The following POT1 variants were observed in gnomAD, a reference collection of about 807,000 sequenced individuals.
POT1 encodes protection of telomeres 1, also known as protection of telomeres protein 1.
A neutral mutation model predicts 78.5 loss-of-function variants in POT1; 47 were observed. That is an observed-to-expected ratio of 0.60 (90% CI 0.47 to 0.76). The LOEUF is 0.76. Among genes scored for constraint, POT1 ranks in the 30% least tolerant of loss-of-function variants. The pLI is 0.00. For synonymous variants in POT1, 259 were observed against 260.7 expected (o/e 0.99, Z 0.06); for missense variants, 646 against 749.9 (o/e 0.86, Z 1.62).
chr7:124,898,018 G>A (rs1796535035), intron 4 of POT1, among the ~76,000 whole-genome samples: 1 of 151,856 alleles, frequency 6.6e-6, no homozygotes, highest in Admixed American at 6.6e-5. Context: ...GAATGTCTGT[G>A]CGGTTTTGTA....
chr7:124,903,031 C>T (rs1410782397), intron 3 of POT1, among the ~76,000 whole-genome samples: 1 of 152,108 alleles, frequency 6.6e-6, no homozygotes, highest in East Asian at 1.9e-4. Context: ...AAAGCAAGTC[C>T]TTAGAGACCT....
intron 6 of POT1, among the ~76,000 whole-genome samples, chr7:124,890,497 C>G (rs1308629004): frequency 6.6e-6 from 1 of 151,860 alleles, no homozygotes; most frequent in Non-Finnish European, 1.5e-5. Flanking sequence ...AAAATACTAT[C>G]AAACAGCATC....
chr7:124,913,046 G>A (rs1364698456), intron 3 of POT1, among the ~76,000 whole-genome samples: 2 of 152,162 alleles, frequency 1.3e-5, no homozygotes, highest in East Asian at 3.9e-4. Context: ...GATGGCAGTA[G>A]GCAAAGAGAG....
chr7:124,857,983 G>A (rs1043723170), intron 9 of POT1, among the ~76,000 whole-genome samples: 1 of 152,130 alleles, frequency 6.6e-6, no homozygotes, highest in African/African-American at 2.4e-5. Context: ...TTCTGCCCGT[G>A]CCCAAAAGCC....
At chr7:124,840,840 C>T (rs993069674) in intron 14 of POT1, 133 bp downstream of exon 14, 2 of 615,566 alleles carry the variant, frequency 3.2e-6, no homozygotes, top group South Asian at 2.5e-5. Context: ...CATATATATT[C>T]AATTTTGTTA....
At position 124,823,677 on chromosome 7, in the gene POT1, T is replaced by A; in HGVS notation, c.*285A>T. ...GCACCCCAACAAAGCAACTTTGCCA[T>A]TTCTACTTAAAGTACACTGTAGCTT... is the stretch of plus-strand genomic sequence containing the variant. On this transcript the variant is annotated 3_prime_UTR_variant, in exon 19 of 19. Transcript: ENST00000357628. 1 of 278,964 alleles carries A rather than the reference T, an allele frequency of 3.6e-6. No homozygotes were observed. Among genetic ancestry groups the A allele is most frequent in the African/African-American group, 2.2e-5 (1 of 45,284 alleles). The allele number at this position is 278,964 out of a possible 1,614,324, so 17.3% of individuals were successfully genotyped here. A position where few individuals can be genotyped will look rare whatever the true frequency, so the allele number is the denominator to read the frequency against.
intron 15 of POT1, among the ~76,000 whole-genome samples, chr7:124,833,808 A>G (rs960317672): frequency 6.6e-6 from 1 of 152,246 alleles, no homozygotes; most frequent in African/African-American, 2.4e-5. Flanking sequence ...TTATCAAAAG[A>G]ACAGATATAT....
intron 8 of POT1, among the ~76,000 whole-genome samples, chr7:124,861,384 T>G (rs1350845129): frequency 6.6e-6 from 1 of 152,168 alleles, no homozygotes; most frequent in Non-Finnish European, 1.5e-5. Context: ...CATATGTCTG[T>G]TAGCCACATA....
At chr7:124,922,595 T>C (rs1797178551) in intron 2 of POT1, among the ~76,000 whole-genome samples, 1 of 151,906 alleles carries the variant, frequency 6.6e-6, no homozygotes, top group South Asian at 2.1e-4. Flanking sequence ...AAGTATACCT[T>C]AGTAAGGATG....
At chr7:124,903,729 T>G (rs1330241768) in intron 3 of POT1, among the ~76,000 whole-genome samples, 1 of 151,998 alleles carries the variant, frequency 6.6e-6, no homozygotes, top group East Asian at 1.9e-4. Context: ...AATCAATGAA[T>G]CCAGGAGCTA....
intron 12 of POT1, among the ~76,000 whole-genome samples, chr7:124,846,666 C>T (rs960249629): frequency 6.7e-6 from 1 of 149,046 alleles, no homozygotes; most frequent in Admixed American, 6.7e-5. Flanking sequence ...ACTTCAAATA[C>T]ATCATGTATT....
chr7:124,871,287 T>C (rs1314168088), intron 6 of POT1, among the ~76,000 whole-genome samples: 1 of 152,024 alleles, frequency 6.6e-6, no homozygotes. Flanking sequence ...TCAGTGTAAA[T>C]TGTCTGGAGA....
At chr7:124,875,957 TATAA>T (rs1230156551) in intron 6 of POT1, among the ~76,000 whole-genome samples, 2 of 152,300 alleles carry the variant, frequency 1.3e-5, no homozygotes, top group East Asian at 1.9e-4. Flanking sequence ...TAGGCAAATG[TATAA>T]ATAAAGGTAG....
chr7:124,882,550 GAC>G, intron 6 of POT1, among the ~76,000 whole-genome samples: 2 of 151,944 alleles, frequency 1.3e-5, no homozygotes, highest in Non-Finnish European at 2.9e-5. Flanking sequence ...TATATACAGT[GAC>G]ACAGATTAGA....
At chr7:124,858,376 C>T (rs1795498319) in intron 9 of POT1, among the ~76,000 whole-genome samples, 1 of 152,078 alleles carries the variant, frequency 6.6e-6, no homozygotes, top group Admixed American at 6.6e-5. Flanking sequence ...AAAAGAAATT[C>T]CCTACAATTT....
chr7:124,851,428 C>T (rs1795303730), intron 11 of POT1, among the ~76,000 whole-genome samples: 1 of 152,110 alleles, frequency 6.6e-6, no homozygotes, highest in Non-Finnish European at 1.5e-5. Flanking sequence ...AGGACATATC[C>T]CTCTGTTTGT....
At chr7:124,903,527 G>A (rs1796677797) in intron 3 of POT1, among the ~76,000 whole-genome samples, 1 of 152,168 alleles carries the variant, frequency 6.6e-6, no homozygotes. Context: ...TTAAAGCAGT[G>A]TGTAGAGGGA....
At chr7:124,869,536 T>A (rs1413906641) in intron 7 of POT1, among the ~76,000 whole-genome samples, 1 of 152,172 alleles carries the variant, frequency 6.6e-6, no homozygotes, top group Non-Finnish European at 1.5e-5. Context: ...TTTTTTGACG[T>A]TTAAATAAGT....
At chr7:124,909,676 T>C (rs1176300779) in intron 3 of POT1, among the ~76,000 whole-genome samples, 2 of 151,930 alleles carry the variant, frequency 1.3e-5, no homozygotes, top group African/African-American at 2.4e-5. Flanking sequence ...AATTAACTAG[T>C]GTAGTTCTAT....
Sources: allele counts gnomAD v4.1 joint callset (sites outside exome capture counted in the v4.1 genomes callset), GRCh38; gene constraint gnomAD v4.1.1; transcripts MANE v1.5; gene names NCBI Gene and HGNC (gene_info 2026-07-23, HGNC 2026-07-21).